Variants in C3orf22 observed in about 807,000 individuals in gnomAD.
C3orf22 encodes the protein uncharacterized protein C3orf22.
C3orf22 carries 7 observed loss-of-function variants against 10.8 expected under a neutral mutation model. The ratio of observed to expected loss-of-function variants is 0.65; its 90% confidence interval spans 0.37 to 1.22. C3orf22 has a LOEUF of 1.22. Among genes scored for constraint, C3orf22 ranks in the 50% most tolerant of loss-of-function variants. The probability of loss-of-function intolerance (pLI) is 0.02; values close to 1 mark genes in which losing one functional copy is unlikely to be tolerated. For missense variants in C3orf22, 173 were observed against 177.0 expected (o/e 0.98, Z 0.13); for synonymous variants, 79 against 78.9 (o/e 1.00, Z 0.00).
downstream of C3orf22, among the ~76,000 whole-genome samples, chr3:126,546,214 G>T (rs992045988): frequency 2.0e-5 from 3 of 152,214 alleles, no homozygotes; most frequent in African/African-American, 7.2e-5. Context: ...AGAAGGCTGG[G>T]TGTGCAGGAG....
chr3:126,549,261 C>G (rs11713346), downstream of C3orf22, among the ~76,000 whole-genome samples: 4 of 144,424 alleles, frequency 2.8e-5, no homozygotes, highest in African/African-American at 8.1e-5. Flanking sequence ...GCCCCCCCCC[C>G]CACACACACA....
intron 4 of C3orf22, chr3:126,536,380 C>T (rs1347592506): frequency 1.9e-6 from 3 of 1,569,242 alleles, no homozygotes; most frequent in African/African-American, 2.7e-5. Flanking sequence ...TCGACCCAGG[C>T]ATGCCCCCCT....
At chr3:126,545,898 CTTT>C (rs1937060130), downstream of C3orf22, among the ~76,000 whole-genome samples, 1 of 152,224 alleles carries the variant, frequency 6.6e-6, no homozygotes. Flanking sequence ...GGACCCTTCT[CTTT>C]TGTTGCTCCC....
intron 4 of C3orf22, chr3:126,542,419 T>C (rs1038511151): frequency 1.3e-6 from 2 of 1,553,282 alleles, no homozygotes; most frequent in Non-Finnish European, 8.7e-7. Context: ...TGAGCTTCCC[T>C]GGGCCGCCGC....
intron 1 of C3orf22, among the ~76,000 whole-genome samples, chr3:126,556,889 C>T (rs924090383): frequency 1.3e-5 from 2 of 150,778 alleles, no homozygotes; most frequent in South Asian, 4.2e-4. Flanking sequence ...CACAGACTCA[C>T]ACACATGCTC....
At chr3:126,542,050 C>A in intron 4 of C3orf22, 1 of 1,577,544 alleles carries the variant, frequency 6.3e-7, no homozygotes, top group Admixed American at 1.8e-5. Flanking sequence ...GCCTGCGCGC[C>A]TACTTGGCCT....
chr3:126,550,762 C>T (rs1342179907), intron 3 of C3orf22, among the ~76,000 whole-genome samples: 2 of 152,218 alleles, frequency 1.3e-5, no homozygotes, highest in Non-Finnish European at 2.9e-5. Flanking sequence ...TGGCTGGGCC[C>T]TGGGAGCCGC....
chr3:126,539,634 C>A (rs1404727651), intron 4 of C3orf22, among the ~76,000 whole-genome samples: 1 of 137,128 alleles, frequency 7.3e-6, no homozygotes, highest in Non-Finnish European at 1.6e-5. Context: ...CACACACACA[C>A]CCCACACACC....
chr3:126,549,863 A>G lies in C3orf22; in HGVS notation c.*5T>C, dbSNP rs748672512. ...AATAAGAAGGCCACACACAGAGCCC[A>G]GTCTCTAGGAGAGGCCCCTGGACAG... On this transcript the variant is annotated 3_prime_UTR_variant, in exon 4 of 4. Transcript: ENST00000318225. 6 of 1,608,066 alleles carry G rather than the reference A, an allele frequency of 3.7e-6. No individual in the cohort carries two copies. In the South Asian group the frequency reaches 6.6e-5, roughly 18 times the overall value.
At chr3:126,558,561 T>A (rs1937407653) in intron 1 of C3orf22, 66 bp downstream of exon 1, 1 of 152,388 alleles carries the variant, frequency 6.6e-6, no homozygotes, top group Non-Finnish European at 1.5e-5. Flanking sequence ...ACCCTGTTGC[T>A]GCTTCCCAAG....
intron 4 of C3orf22, chr3:126,542,075 G>A (rs1936971905): frequency 1.3e-6 from 2 of 1,583,706 alleles, no homozygotes; most frequent in African/African-American, 1.4e-5. Flanking sequence ...GTTCGTGCGG[G>A]AGCCCTTCGA....
At chr3:126,541,214 A>G (rs1310541644) in intron 4 of C3orf22, among the ~76,000 whole-genome samples, 2 of 152,230 alleles carry the variant, frequency 1.3e-5, no homozygotes, top group African/African-American at 2.4e-5. Flanking sequence ...CGCTGAGATA[A>G]GAATTTGCTG....
intron 2 of C3orf22, among the ~76,000 whole-genome samples, chr3:126,552,738 T>G (rs1455720779): frequency 6.6e-6 from 1 of 152,178 alleles, no homozygotes; most frequent in East Asian, 1.9e-4. Flanking sequence ...AGTGGGAAGC[T>G]TGAGGTTGCA....
intron 4 of C3orf22, among the ~76,000 whole-genome samples, chr3:126,538,185 G>A (rs545202606): frequency 1.4e-3 from 219 of 152,358 alleles, no homozygotes; most frequent in African/African-American, 5.1e-3. Context: ...AGGAGAGTTA[G>A]TGCCCATTCC....
intron 4 of C3orf22, among the ~76,000 whole-genome samples, chr3:126,539,499 C>T (rs1047064850): frequency 8.1e-5 from 12 of 147,858 alleles, no homozygotes; most frequent in African/African-American, 2.8e-4. Context: ...ATGTACCCCA[C>T]ACCACACACA....
At chr3:126,551,874 TCA>T in intron 3 of C3orf22, 121 bp downstream of exon 3, 1 of 1,108,490 alleles carries the variant, frequency 9.0e-7, no homozygotes, top group Non-Finnish European at 1.3e-6. Flanking sequence ...CTCAGTTTCC[TCA>T]GCTTTAAAGT....
chr3:126,557,979 AGGCCC>A (rs77660643), intron 1 of C3orf22, among the ~76,000 whole-genome samples: 144,767 of 152,186 alleles, frequency 0.95, 68,959 homozygotes, highest in East Asian at 0.99. Flanking sequence ...AGCCTGGGCC[AGGCCC>A]CAGCTCAGCC....
At chr3:126,542,609 C>G (rs767723826) in intron 4 of C3orf22, 1 of 1,443,172 alleles carries the variant, frequency 6.9e-7, no homozygotes, top group African/African-American at 1.5e-5. Context: ...CCACGCGGGG[C>G]AAGTGCCTTT....
intron 4 of C3orf22, among the ~76,000 whole-genome samples, chr3:126,538,434 C>T (rs904406600): frequency 1.3e-5 from 2 of 152,218 alleles, no homozygotes; most frequent in South Asian, 2.1e-4. Flanking sequence ...CCCCTGATAT[C>T]GCCTCAGGCA....
Sources: gnomAD v4.1 joint callset for allele counts (sites outside exome capture counted in the v4.1 genomes callset) on GRCh38, gnomAD v4.1.1 for gene constraint, MANE v1.5 for transcripts, NCBI Gene and HGNC (gene_info 2026-07-23, HGNC 2026-07-21) for gene names.